The following PLCG2 variants were observed in gnomAD, a reference collection of about 807,000 sequenced individuals.
PLCG2 encodes the protein 1-phosphatidylinositol 4,5-bisphosphate phosphodiesterase gamma-2.
A neutral mutation model predicts 175.6 loss-of-function variants in PLCG2; 69 were observed. The observed-to-expected ratio is 0.39, with a 90% confidence interval of 0.32 to 0.48. The LOEUF (loss-of-function observed/expected upper bound fraction) is 0.48, where lower values mean the gene tolerates loss of function less well. Among genes scored for constraint, PLCG2 ranks in the 20% least tolerant of loss-of-function variants. The probability of loss-of-function intolerance (pLI) is 0.91; values close to 1 mark genes in which losing one functional copy is unlikely to be tolerated. For synonymous variants in PLCG2, 827 were observed against 624.0 expected, an observed-to-expected ratio of 1.33 and a Z score of -4.85; for missense variants, 1,798 against 1,650.9, an observed-to-expected ratio of 1.09 and a Z score of -1.54.
intron 26 of PLCG2, among the ~76,000 whole-genome samples, chr16:81,934,877 C>A (rs2143722542): frequency 6.6e-6 from 1 of 152,254 alleles, no homozygotes; most frequent in African/African-American, 2.4e-5. Context: ...CCTTATAAAA[C>A]CATCAGATCT....
chr16:81,827,634 C>G (rs1356347035), intron 2 of PLCG2, among the ~76,000 whole-genome samples: 1 of 152,064 alleles, frequency 6.6e-6, no homozygotes, highest in Non-Finnish European at 1.5e-5. Context: ...AGGCTGCACA[C>G]TGGGAAAGTT....
chr16:81,959,802 T>A lies in PLCG2; in HGVS notation c.*1804T>A, dbSNP rs1911714415. The A allele has an allele frequency of 5.4e-6, 1 of 185,370 alleles. No homozygotes were observed. The highest frequency in any genetic ancestry group is 1.1e-5 in the Non-Finnish European group (1 of 87,622). 11.5% of individuals were successfully genotyped at this position (185,370 alleles called of 1,614,324 possible). On this transcript the variant is annotated 3_prime_UTR_variant, in exon 33 of 33. Transcript: ENST00000564138. ...CAGAACCTATTTATTGCACCTGGCA[T>A]CTCCCCCAACCCCTCTCAGCTCTGT... is the stretch of plus-strand genomic sequence containing the variant.
intron 30 of PLCG2, among the ~76,000 whole-genome samples, chr16:81,941,768 C>T (rs1433159975): frequency 6.6e-6 from 1 of 151,094 alleles, no homozygotes; most frequent in East Asian, 2.0e-4. Flanking sequence ...GTGATCTCGG[C>T]TCACTGTAAC....
intron 1 of PLCG2, among the ~76,000 whole-genome samples, chr16:81,746,472 G>C (rs1597301337): frequency 6.6e-6 from 1 of 152,256 alleles, no homozygotes; most frequent in Admixed American, 6.5e-5. Context: ...TCTGGGGAGG[G>C]TCGTTTTCAC....
At chr16:81,879,444 C>A (rs113396778) in intron 7 of PLCG2, among the ~76,000 whole-genome samples, 1 of 152,130 alleles carries the variant, frequency 6.6e-6, no homozygotes, top group Non-Finnish European at 1.5e-5. Context: ...TTTGGTGGGA[C>A]CTACTCCTTT....
intron 2 of PLCG2, among the ~76,000 whole-genome samples, chr16:81,772,019 G>C (rs1910291864): frequency 6.6e-6 from 1 of 152,164 alleles, no homozygotes; most frequent in South Asian, 2.1e-4. Context: ...CTGGCCTTAA[G>C]TGATCTGCCC....
intron 10 of PLCG2, among the ~76,000 whole-genome samples, chr16:81,890,844 A>C (rs1243647413): frequency 6.6e-6 from 1 of 152,174 alleles, no homozygotes; most frequent in Non-Finnish European, 1.5e-5. Flanking sequence ...GTTCACAAAT[A>C]TTCATGCTAC....
chr16:81,801,198 C>G (rs1322349379), intron 2 of PLCG2, among the ~76,000 whole-genome samples: 1 of 152,188 alleles, frequency 6.6e-6, no homozygotes, highest in Non-Finnish European at 1.5e-5. Context: ...CCGCAACCAA[C>G]TTAGATGAGT....
At chr16:81,803,786 A>G (rs1034048603) in intron 2 of PLCG2, among the ~76,000 whole-genome samples, 1 of 151,226 alleles carries the variant, frequency 6.6e-6, no homozygotes, top group African/African-American at 2.4e-5. Context: ...GATTCAAGTG[A>G]TTCTCGTGCC....
At chr16:81,873,554 T>G (rs1450836128) in intron 7 of PLCG2, among the ~76,000 whole-genome samples, 1 of 118,256 alleles carries the variant, frequency 8.5e-6, no homozygotes, top group African/African-American at 3.2e-5. Flanking sequence ...CAAATAACAG[T>G]TTTTTTTTTT....
At chr16:81,861,631 A>G (rs1464676425) in intron 5 of PLCG2, among the ~76,000 whole-genome samples, 16 of 152,160 alleles carry the variant, frequency 1.1e-4, no homozygotes, top group Admixed American at 9.8e-4. Flanking sequence ...AAGATTTGGT[A>G]CACACTGGTC....
chr16:81,780,976 C>T (rs1490040078), intron 1 of PLCG2, among the ~76,000 whole-genome samples: 1 of 152,022 alleles, frequency 6.6e-6, no homozygotes, highest in Admixed American at 6.6e-5. Context: ...GCAGTGAACC[C>T]AGATCATGCC....
chr16:81,880,235 T>G (rs149789334), intron 7 of PLCG2, among the ~76,000 whole-genome samples: 1 of 152,308 alleles, frequency 6.6e-6, no homozygotes, highest in East Asian at 1.9e-4. Context: ...TGAGACCCCA[T>G]CTCTAAAGAA....
At chr16:81,951,133 C>G (rs1246207194) in intron 31 of PLCG2, among the ~76,000 whole-genome samples, 1 of 151,636 alleles carries the variant, frequency 6.6e-6, no homozygotes, top group East Asian at 1.9e-4. Context: ...TGCCACCATG[C>G]CTGGCTAATT....
chr16:81,803,078 G>A (rs1425748499), intron 2 of PLCG2, among the ~76,000 whole-genome samples: 1 of 149,992 alleles, frequency 6.7e-6, no homozygotes, highest in Non-Finnish European at 1.5e-5. Context: ...TCCTATTCTG[G>A]ACATTTCTCA....
chr16:81,936,208 C>T lies in PLCG2; in HGVS notation c.2882C>T (p.Thr961Met), dbSNP rs371326699. ...CGAGAAATCCGCTCCTTTGTGGAGA[C>T]GAAGGCTGACAGCATCATCAGACAG... is the stretch of plus-strand genomic sequence containing the variant. ...DFREIRSFVE[T>M]KADSIIRQKP... Residue 961 changes from threonine (T) to methionine (M), a missense_variant, in exon 27 of 33, where the codon ACG becomes ATG. Thr to Met is a moderately conservative substitution (Grantham distance 81). Transcript: ENST00000564138. The T allele has an allele frequency of 6.7e-5, 108 of 1,614,118 alleles. No individual in the cohort carries two copies. In the African/African-American group the frequency reaches 1.0e-3, roughly 16 times the overall value.
chr16:81,860,479 A>G (rs527856014), intron 5 of PLCG2, among the ~76,000 whole-genome samples: 5 of 152,230 alleles, frequency 3.3e-5, no homozygotes, highest in African/African-American at 1.2e-4. Context: ...AGCAATTTGT[A>G]TAATATTTCT....
chr16:81,773,866 A>G (rs930323064), intron 2 of PLCG2, among the ~76,000 whole-genome samples: 6 of 152,112 alleles, frequency 3.9e-5, no homozygotes, highest in African/African-American at 1.4e-4. Context: ...TCTCACTCCA[A>G]AGCCCCCTTT....
In PLCG2 at chr16:81,779,383, A is replaced by T. The variant is rs1481224314; in HGVS notation, c.-89A>T. On this transcript the variant is annotated 5_prime_UTR_variant, in exon 1 of 33. Transcript: ENST00000564138. ...GCGCGCGCGGGACCCCGGAGCCCAAACCCGGGGCAGGCGGGCAGCTGTGCC... is the reference window on the plus strand; with the variant it reads ...GCGCGCGCGGGACCCCGGAGCCCAATCCCGGGGCAGGCGGGCAGCTGTGCC... 1 of 150,872 alleles carries T rather than the reference A, an allele frequency of 6.6e-6. No homozygotes were observed. The highest frequency in any genetic ancestry group is 1.5e-5 in the Non-Finnish European group (1 of 67,622). 9.3% of individuals were successfully genotyped at this position (150,872 alleles called of 1,614,324 possible).
Sources: gnomAD v4.1 joint callset for allele counts (sites outside exome capture counted in the v4.1 genomes callset) on GRCh38, gnomAD v4.1.1 for gene constraint, MANE v1.5 for transcripts, NCBI Gene and HGNC (gene_info 2026-07-23, HGNC 2026-07-21) for gene names.